TRPM6: variants seen among roughly 807,000 people sequenced by gnomAD.
TRPM6 encodes the protein transient receptor potential cation channel subfamily M member 6, also known as channel kinase 2.
Under a neutral mutation model 247.6 loss-of-function variants are expected in TRPM6, and 111 were observed. The observed-to-expected ratio is 0.45, with a 90% CI of 0.38 to 0.52. The LOEUF (loss-of-function observed/expected upper bound fraction) is 0.52. Among genes scored for constraint, TRPM6 ranks in the 20% least tolerant of loss-of-function variants. TRPM6 has a pLI of 0.00. For synonymous variants in TRPM6, 892 were observed against 853.8 expected, an observed-to-expected ratio of 1.04 and a Z score of -0.78; for missense variants, 2,126 against 2,421.5, an observed-to-expected ratio of 0.88 and a Z score of 2.56.
chr9:74,763,801 GCAACA>G (rs754427847), intron 25 of TRPM6, among the ~76,000 whole-genome samples: 1 of 152,152 alleles, frequency 6.6e-6, no homozygotes, highest in Non-Finnish European at 1.5e-5. Flanking sequence ...TCATGTAAAA[GCAACA>G]CAACACATGT....
chr9:74,846,208 G>C (rs1830102456), intron 3 of TRPM6, among the ~76,000 whole-genome samples: 1 of 152,110 alleles, frequency 6.6e-6, no homozygotes, highest in Non-Finnish European at 1.5e-5. Flanking sequence ...TTAAATTTCT[G>C]TTTTCTTTAG....
intron 3 of TRPM6, among the ~76,000 whole-genome samples, chr9:74,849,614 T>C (rs1381722523): frequency 6.6e-6 from 1 of 152,114 alleles, no homozygotes; most frequent in Non-Finnish European, 1.5e-5. Flanking sequence ...AGCCACCCAG[T>C]TTGTGGTATT....
intron 6 of TRPM6, among the ~76,000 whole-genome samples, chr9:74,829,285 C>G (rs961389258): frequency 6.6e-6 from 1 of 152,050 alleles, no homozygotes; most frequent in Non-Finnish European, 1.5e-5. Context: ...CAGTGAGACC[C>G]CATCTCAAAA....
chr9:74,765,740 T>A (rs1238314350), intron 25 of TRPM6, among the ~76,000 whole-genome samples: 3 of 152,170 alleles, frequency 2.0e-5, no homozygotes, highest in Non-Finnish European at 2.9e-5. Flanking sequence ...AGACTTCCCA[T>A]CAGGTTTAGA....
intron 13 of TRPM6, among the ~76,000 whole-genome samples, chr9:74,810,345 GA>G (rs1162607544): frequency 1.3e-5 from 2 of 152,278 alleles, no homozygotes; most frequent in South Asian, 4.1e-4. Context: ...ATAGAACAGG[GA>G]GGGGAACCAC....
At chr9:74,858,858 T>C (rs1342724385) in intron 1 of TRPM6, 110 bp from the exon 2 acceptor site, 6 of 854,134 alleles carry the variant, frequency 7.0e-6, no homozygotes, top group Non-Finnish European at 1.1e-5. Context: ...CTAATTAAAA[T>C]GCCAAGACCA....
Position 74,776,086 on chromosome 9 carries a change from GAAGT to G in TRPM6, c.3210-14_3210-11del. 6.2e-7 allele frequency: 1 copy of G among 1,607,518 alleles called. No individual in the cohort carries two copies. ...ATCTAAGTAAACGTTGCTGTAAGAT[GAAGT>G]AAGAGAGGGACAATGTTTTAATATG... On this transcript the variant is annotated splice_polypyrimidine_tract_variant and intron_variant, in intron 23 of 38. Transcript: ENST00000360774.
chr9:74,763,172 T>A, intron 25 of TRPM6, 38 bp from the exon 26 acceptor site: 2 of 1,592,212 alleles, frequency 1.3e-6, no homozygotes, highest in Non-Finnish European at 1.7e-6. Context: ...ACAAGCACAT[T>A]AAGCCAGTGG....
At chr9:74,728,441 C>T in intron 37 of TRPM6, 96 bp from the exon 38 acceptor site, 3 of 885,444 alleles carry the variant, frequency 3.4e-6, no homozygotes, top group Non-Finnish European at 3.7e-6. Flanking sequence ...CATAGTAACC[C>T]AGTAAACTTG....
At chr9:74,886,075 G>A (rs1370349098) in intron 1 of TRPM6, among the ~76,000 whole-genome samples, 2 of 152,182 alleles carry the variant, frequency 1.3e-5, no homozygotes, top group African/African-American at 2.4e-5. Context: ...ACCAAAATTT[G>A]TGACAAATTG....
In TRPM6 at chr9:74,755,440, G is replaced by C; in HGVS notation, c.4819C>G (p.Gln1607Glu). Residue 1607 changes from glutamine (Q) to glutamate (E), a missense_variant, in exon 28 of 39, where the codon CAG (glutamine) becomes GAG (glutamate). Physicochemically the swap from Gln to Glu is conservative, Grantham distance 29. Around this residue, in one of 3 missense-constraint regions of TRPM6, gnomAD observed 717 missense variants for 715.9 expected, o/e 1.00. Coordinates refer to ENST00000360774, the MANE Select transcript of TRPM6 (RefSeq NM_017662.5). ...TTTTCTCCTGGCTCTGGATTCAACTGGTCACTCTGAGAGCAGGCATTGACT... is the reference window on the plus strand; with the variant it reads ...TTTTCTCCTGGCTCTGGATTCAACTCGTCACTCTGAGAGCAGGCATTGACT... ...ITVNACSQSD[Q>E]LNPEPGENSI... The C allele has an allele frequency of 6.2e-7, 1 of 1,614,056 alleles. No homozygotes were observed. Among genetic ancestry groups the C allele is most frequent in the South Asian group, 1.1e-5 (1 of 91,072 alleles).
Position 74,742,615 on chromosome 9 carries a change from T to C in TRPM6, c.5146A>G (p.Asn1716Asp). 6.2e-7 allele frequency: 1 copy of C among 1,613,840 alleles called. No individual in the cohort carries two copies. Residue 1716 changes from asparagine (N) to aspartate (D), a missense_variant, in exon 33 of 39, where the codon AAT becomes GAT. Transcript: ENST00000360774. ...PHHHYSAIER[N>D]NLMRLSQTIP... ...GTCTGAGAAAGCCTCATTAAATTATTCCTTTCAATGGCTGCAAACAAAAAC... is the reference window on the plus strand; with the variant it reads ...GTCTGAGAAAGCCTCATTAAATTATCCCTTTCAATGGCTGCAAACAAAAAC...
Position 74,738,475 on chromosome 9 carries a change from A to G in TRPM6, c.5708T>C (p.Leu1903Pro). 1 of 1,614,112 alleles carries G rather than the reference A, an allele frequency of 6.2e-7. No individual in the cohort carries two copies. The highest frequency in any genetic ancestry group is 8.5e-7 in the Non-Finnish European group (1 of 1,179,992). The change falls in exon 36 of 39, where the codon CTG becomes CCG. Residue 1903 changes from leucine (L) to proline (P), a missense_variant. Physicochemically the swap from Leu to Pro is moderately conservative, Grantham distance 98. This residue lies in a region of TRPM6 where 327 missense variants were observed against 397.7 expected (regional missense o/e 0.82). Coordinates refer to ENST00000360774, the MANE Select transcript of TRPM6 (RefSeq NM_017662.5). ...GGTCCAGTGAGAGAAAGCCAACATC[A>G]GCTCCTCCAGGGTGTTGGTGGGGGT... ...EITPTNTLEE[L>P]MLAFSHWTYE...
Position 74,788,641 on chromosome 9 carries a change from G to C in TRPM6, c.2640C>G (p.Phe880Leu). Residue 880 changes from phenylalanine (F) to leucine (L), a missense_variant, in exon 20 of 39, where the codon TTC (phenylalanine) becomes TTG (leucine). This residue lies in a region of TRPM6 where 1,082 missense variants were observed against 1,307.9 expected (regional missense o/e 0.83). Transcript: ENST00000360774. Reference protein sequence around the residue: ...VQEWLVSIYIFTNAIEVVREI... With the variant: ...VQEWLVSIYILTNAIEVVREI... ...CCCTGACCACCTCAATAGCATTGGT[G>C]AAGATGTAAATGCTAACAAGCCACT... 1 of 1,613,966 alleles carries C rather than the reference G, an allele frequency of 6.2e-7. No individual in the cohort carries two copies. Among genetic ancestry groups the C allele is most frequent in the Admixed American group, 1.7e-5 (1 of 60,006 alleles).
chr9:74,853,829 C>G (rs1037376291), intron 3 of TRPM6, among the ~76,000 whole-genome samples: 2 of 151,728 alleles, frequency 1.3e-5, no homozygotes, highest in Non-Finnish European at 2.9e-5. Flanking sequence ...ATCCCCCTCT[C>G]CGAGAAACAC....
chr9:74,760,593 T>C (rs940688240), intron 27 of TRPM6, among the ~76,000 whole-genome samples: 11 of 152,184 alleles, frequency 7.2e-5, no homozygotes, highest in African/African-American at 2.7e-4. Context: ...AGATGCCTAG[T>C]AGCATTAGTC....
chr9:74,777,992 A>G (rs1194184835), intron 23 of TRPM6, among the ~76,000 whole-genome samples: 1 of 152,216 alleles, frequency 6.6e-6, no homozygotes, highest in Non-Finnish European at 1.5e-5. Context: ...CAACTTGGAT[A>G]AAAAGGTGCC....
rs1253305296 is a variant in TRPM6 at position 74,858,693 on chromosome 9, A to T, written c.89T>A (p.Ile30Lys). The change falls in exon 2 of 39, where the codon ATA (isoleucine) becomes AAA (lysine). Residue 30 changes from isoleucine (I) to lysine (K), a missense_variant. This residue lies in a region of TRPM6 where 1,082 missense variants were observed against 1,307.9 expected (regional missense o/e 0.83). Transcript: ENST00000360774. ...VFDKRECSTIIPSSKNPHRCT... is the reference protein window; with the variant it reads ...VFDKRECSTIKPSSKNPHRCT... ...CCTGTGAGGATTTTTTGAGCTGGGTATGATTGTGCTACATTCTCTCTTGTC... is the reference window on the plus strand; with the variant it reads ...CCTGTGAGGATTTTTTGAGCTGGGTTTGATTGTGCTACATTCTCTCTTGTC... 1 of 1,613,388 alleles carries T rather than the reference A, an allele frequency of 6.2e-7. No individual in the cohort carries two copies. Among genetic ancestry groups the T allele is most frequent in the Non-Finnish European group, 8.5e-7 (1 of 1,179,716 alleles).
In TRPM6 at chr9:74,800,474, C is replaced by T. The variant is rs1828286233; in HGVS notation, c.2018G>A (p.Gly673Asp). ...EELKNYSKQF[G>D]QLALDLLEKA... ...CTCCAACAAGTCCAGAGCCAGCTGGCCAAACTGTCTGCCATGAGGGTGGCC... is the reference window on the plus strand; with the variant it reads ...CTCCAACAAGTCCAGAGCCAGCTGGTCAAACTGTCTGCCATGAGGGTGGCC... The change falls in exon 17 of 39, where the codon GGC (glycine) becomes GAC (aspartate). Residue 673 changes from glycine to aspartate, a missense_variant. By Grantham distance (94) the Gly-to-Asp change is moderately conservative. Transcript: ENST00000360774. 1.2e-6 allele frequency: 2 copies of T among 1,613,592 alleles called. No homozygotes were observed. Among genetic ancestry groups the T allele is most frequent in the East Asian group, 2.2e-5 (1 of 44,870 alleles).
Sources: gnomAD v4.1 joint callset for allele counts (sites outside exome capture counted in the v4.1 genomes callset) on GRCh38, gnomAD v4.1.1 for gene constraint, gnomAD v4.1.1 regional missense constraint, MANE v1.5 for transcripts, NCBI Gene and HGNC (gene_info 2026-07-23, HGNC 2026-07-21) for gene names.